The following MAP2K1 variants were observed in gnomAD, a reference collection of about 807,000 sequenced individuals.
MAP2K1 encodes mitogen-activated protein kinase kinase 1.
MAP2K1 carries 16 observed loss-of-function variants against 46.3 expected under a neutral mutation model. The ratio of observed to expected loss-of-function variants is 0.35; its 90% CI spans 0.23 to 0.52. MAP2K1 has a LOEUF of 0.52. Among genes scored for constraint, MAP2K1 ranks in the 20% least tolerant of loss-of-function variants. MAP2K1 has a pLI of 0.94. For missense variants in MAP2K1, 263 were observed against 497.1 expected, an observed-to-expected ratio of 0.53 and a Z score of 4.48; for synonymous variants, 183 against 185.6, an observed-to-expected ratio of 0.99 and a Z score of 0.11.
At position 66,387,093 on chromosome 15, in the gene MAP2K1, G is replaced by T; in HGVS notation, c.-255G>T. 1 of 413,516 alleles carries T rather than the reference G, an allele frequency of 2.4e-6. No homozygotes were observed. The highest frequency in any genetic ancestry group is 4.6e-5 in the Admixed American group (1 of 21,778). The allele number at this position is 413,516 out of a possible 1,614,324, so 25.6% of individuals were successfully genotyped here. ...GGCTGCCGAACCGCACGTTCAGCCC[G>T]CTCCGCTCCTGCAGGGCAGCCTTTC... is the stretch of plus-strand genomic sequence containing the variant. On this transcript the variant is annotated 5_prime_UTR_variant, in exon 1 of 11. Transcript: ENST00000307102.
intron 5 of MAP2K1, among the ~76,000 whole-genome samples, chr15:66,467,708 C>G (rs1045359798): frequency 6.6e-6 from 1 of 152,150 alleles, no homozygotes; most frequent in Admixed American, 6.5e-5. Context: ...TTACAGGTGC[C>G]TGCCACCACG....
intron 5 of MAP2K1, 80 bp downstream of exon 5, chr15:66,444,787 T>C (rs1046930484): frequency 8.4e-7 from 1 of 1,185,830 alleles, no homozygotes; most frequent in African/African-American, 1.5e-5. Flanking sequence ...TTTTCTATGT[T>C]TTGTTTTCGT....
chr15:66,413,401 T>A (rs1368907973), intron 1 of MAP2K1, among the ~76,000 whole-genome samples: 1 of 152,226 alleles, frequency 6.6e-6, no homozygotes, highest in East Asian at 1.9e-4. Flanking sequence ...TAAATGAGAC[T>A]TAGGGCAACT....
At chr15:66,422,708 CTTT>C (rs1004293246) in intron 1 of MAP2K1, among the ~76,000 whole-genome samples, 1 of 151,960 alleles carries the variant, frequency 6.6e-6, no homozygotes, top group African/African-American at 2.4e-5. Context: ...TGGGATTTTT[CTTT>C]TTTTAAGTAT....
intron 1 of MAP2K1, among the ~76,000 whole-genome samples, chr15:66,397,252 C>T (rs931477270): frequency 1.2e-4 from 18 of 152,044 alleles, no homozygotes; most frequent in African/African-American, 3.9e-4. Context: ...ATCCGCCTGC[C>T]TCGGCCTCCC....
chr15:66,401,973 C>T (rs1366066443), intron 1 of MAP2K1: 2 of 1,343,702 alleles, frequency 1.5e-6, no homozygotes, highest in East Asian at 7.5e-5. Context: ...TTTGTGGTTC[C>T]AGGCTGAACA....
intron 5 of MAP2K1, among the ~76,000 whole-genome samples, chr15:66,478,287 A>AC (rs1193950092): frequency 1.4e-5 from 2 of 146,880 alleles, no homozygotes; most frequent in Admixed American, 6.9e-5. Flanking sequence ...ATATATATAT[A>AC]TACTATATAT....
chr15:66,485,931 C>T (rs2140676799), intron 7 of MAP2K1, among the ~76,000 whole-genome samples: 1 of 152,190 alleles, frequency 6.6e-6, no homozygotes, highest in East Asian at 1.9e-4. Flanking sequence ...CTGGGTCTTG[C>T]TCTGTCACCC....
At chr15:66,461,400 C>G (rs1567018105) in intron 5 of MAP2K1, among the ~76,000 whole-genome samples, 1 of 151,912 alleles carries the variant, frequency 6.6e-6, no homozygotes, top group East Asian at 1.9e-4. Context: ...TTGTTTGAAC[C>G]TGGGAGATGG....
intron 1 of MAP2K1, among the ~76,000 whole-genome samples, chr15:66,403,746 T>A (rs548257905): frequency 6.9e-4 from 105 of 152,316 alleles, no homozygotes; most frequent in African/African-American, 2.4e-3. Flanking sequence ...TAATTATATT[T>A]CCTTCTTTAT....
chr15:66,414,328 T>C (rs115327989), intron 1 of MAP2K1, among the ~76,000 whole-genome samples: 1 of 118,622 alleles, frequency 8.4e-6, no homozygotes, highest in African/African-American at 2.8e-5. Context: ...GGGTTTTCAC[T>C]ATCCTCTCAG....
chr15:66,485,171 C>A lies in MAP2K1; in HGVS notation c.875C>A (p.Thr292Asn). ...DAAETPPRPR[T>N]PGRPLSSYGM... ...GCTGAGACCCCACCCAGGCCAAGGA[C>A]CCCCGGGAGGCCCCTTAGCTGTGAG... The change falls in exon 7 of 11, where the codon ACC becomes AAC. Residue 292 changes from threonine (T) to asparagine (N), a missense_variant. Transcript: ENST00000307102. 6.2e-7 allele frequency: 1 copy of A among 1,613,784 alleles called. No individual in the cohort carries two copies. Among genetic ancestry groups the A allele is most frequent in the Non-Finnish European group, 8.5e-7 (1 of 1,179,962 alleles).
chr15:66,461,786 C>T (rs572755008), intron 5 of MAP2K1, among the ~76,000 whole-genome samples: 1 of 152,244 alleles, frequency 6.6e-6, no homozygotes, highest in African/African-American at 2.4e-5. Flanking sequence ...CTCCCTTTAC[C>T]TTTCTGGCTA....
chr15:66,424,048 C>CA (rs1188059598), intron 1 of MAP2K1, among the ~76,000 whole-genome samples: 3 of 143,964 alleles, frequency 2.1e-5, no homozygotes, highest in Non-Finnish European at 4.6e-5. Flanking sequence ...CCACCGCACC[C>CA]AGCCATGTCT....
chr15:66,474,101 G>A (rs968591375), intron 5 of MAP2K1, among the ~76,000 whole-genome samples: 1 of 152,228 alleles, frequency 6.6e-6, no homozygotes, highest in African/African-American at 2.4e-5. Context: ...CAGGGGATGA[G>A]CAGTGAATTG....
chr15:66,473,289 A>C (rs536932546), intron 5 of MAP2K1, among the ~76,000 whole-genome samples: 1 of 152,274 alleles, frequency 6.6e-6, no homozygotes, highest in Admixed American at 6.5e-5. Flanking sequence ...AAAATGAGAG[A>C]TCAGGCTGGG....
chr15:66,426,555 T>C (rs1428236674), intron 1 of MAP2K1, among the ~76,000 whole-genome samples: 4 of 152,128 alleles, frequency 2.6e-5, no homozygotes, highest in Non-Finnish European at 5.9e-5. Context: ...GGTGCCCTCT[T>C]CTTCTGGGGT....
intron 5 of MAP2K1, 195 bp downstream of exon 5, chr15:66,444,902 T>C (rs1186856075): frequency 1.7e-6 from 1 of 588,564 alleles, no homozygotes; most frequent in African/African-American, 1.9e-5. Flanking sequence ...GCTACACCTA[T>C]TGCCTATAGC....
intron 5 of MAP2K1, among the ~76,000 whole-genome samples, chr15:66,459,617 C>CAAAAA (rs11404258): frequency 7.0e-6 from 1 of 143,206 alleles, no homozygotes; most frequent in Non-Finnish European, 1.5e-5. Flanking sequence ...GACACCATCT[C>CAAAAA]AAAAAAAAAA....
Sources: allele counts gnomAD v4.1 joint callset (sites outside exome capture counted in the v4.1 genomes callset), GRCh38; gene constraint gnomAD v4.1.1; transcripts MANE v1.5; gene names NCBI Gene and HGNC (gene_info 2026-07-23, HGNC 2026-07-21).